The following PTPN13 variants were observed in gnomAD, a reference collection of about 807,000 sequenced individuals.
The protein encoded by PTPN13 is tyrosine-protein phosphatase non-receptor type 13.
Under a neutral mutation model 284.0 loss-of-function variants are expected in PTPN13, and 191 were observed. The observed-to-expected ratio is 0.67, with a 90% CI of 0.60 to 0.76. PTPN13 has a LOEUF of 0.76. Among genes scored for constraint, PTPN13 ranks in the 30% least tolerant of loss-of-function variants. The pLI, the probability that PTPN13 is intolerant of heterozygous loss-of-function variation, is 0.00. For synonymous variants in PTPN13, 986 were observed against 1,022.3 expected, an observed-to-expected ratio of 0.96 and a Z score of 0.68; for missense variants, 2,797 against 2,939.9, an observed-to-expected ratio of 0.95 and a Z score of 1.12.
At chr4:86,810,078 CTT>C (rs1745061264) in intron 46 of PTPN13, 94 bp downstream of exon 46, 1 of 1,013,000 alleles carries the variant, frequency 9.9e-7, no homozygotes, top group Non-Finnish European at 1.4e-6. Flanking sequence ...GATATTTTAA[CTT>C]ATGAGTTTAT....
At chr4:86,757,099 G>A (rs780575743) in intron 20 of PTPN13, among the ~76,000 whole-genome samples, 1 of 152,146 alleles carries the variant, frequency 6.6e-6, no homozygotes, top group Non-Finnish European at 1.5e-5. Flanking sequence ...TGCTTGAATT[G>A]CGAAGTAGAT....
In PTPN13 at chr4:86,772,915, C is replaced by T; in HGVS notation, c.5306C>T (p.Pro1769Leu). Reference protein sequence around the residue: ...SEPTRQENWTPLKNDLENHLE... With the variant: ...SEPTRQENWTLLKNDLENHLE... ...CCAACTAGACAAGAAAACTGGACAC[C>T]TTTGAAAAATGACTTGGAAAATCAC... is the stretch of plus-strand genomic sequence containing the variant. Residue 1769 changes from proline (P) to leucine (L), a missense_variant, in exon 32 of 48, where the codon CCT becomes CTT. Coordinates refer to ENST00000411767, the MANE Select transcript of PTPN13 (RefSeq NM_080683.3). 1 of 1,607,104 alleles carries T rather than the reference C, an allele frequency of 6.2e-7. No homozygotes were observed. The highest frequency in any genetic ancestry group is 1.1e-5 in the South Asian group (1 of 89,310).
intron 23 of PTPN13, among the ~76,000 whole-genome samples, chr4:86,760,075 A>G (rs1173693297): frequency 6.6e-6 from 1 of 152,194 alleles, no homozygotes; most frequent in Non-Finnish European, 1.5e-5. Flanking sequence ...ATTAAATTTT[A>G]TATAGATGAG....
At chr4:86,779,786 A>G (rs953606216) in intron 35 of PTPN13, among the ~76,000 whole-genome samples, 1 of 152,022 alleles carries the variant, frequency 6.6e-6, no homozygotes, top group Non-Finnish European at 1.5e-5. Flanking sequence ...CTAATCTTCT[A>G]TTTCTGAGGT....
chr4:86,668,205 AAC>A (rs911026678), intron 2 of PTPN13, among the ~76,000 whole-genome samples: 5 of 152,230 alleles, frequency 3.3e-5, no homozygotes, highest in Admixed American at 6.5e-5. Context: ...GAATGCAGTC[AAC>A]ACACAATTAA....
chr4:86,797,475 G>C (rs951111373), intron 41 of PTPN13, among the ~76,000 whole-genome samples: 4 of 151,634 alleles, frequency 2.6e-5, no homozygotes, highest in Admixed American at 6.6e-5. Context: ...CTGAGCAACA[G>C]AGCAAGACTC....
At position 86,689,199 on chromosome 4, in the gene PTPN13, C is replaced by T. The variant is rs1729763213; in HGVS notation, c.546+9C>T. ...TGGGAAATCTTTCTGGGGTAAGCTA[C>T]AGTTACAATAGTAAATATAGTCATA... On this transcript the variant is annotated intron_variant, in intron 5 of 47. Transcript: ENST00000411767. The T allele has an allele frequency of 2.3e-5, 37 of 1,604,018 alleles. No homozygotes were observed. The highest frequency in any genetic ancestry group is 3.1e-5 in the Non-Finnish European group (36 of 1,171,398).
intron 17 of PTPN13, among the ~76,000 whole-genome samples, chr4:86,748,527 A>G (rs1333478379): frequency 1.3e-5 from 2 of 152,158 alleles, no homozygotes; most frequent in African/African-American, 4.8e-5. Flanking sequence ...GGAGAAACCT[A>G]TTGGGTGTAA....
intron 2 of PTPN13, among the ~76,000 whole-genome samples, chr4:86,662,787 T>C (rs1054456260): frequency 6.6e-6 from 1 of 152,178 alleles, no homozygotes; most frequent in African/African-American, 2.4e-5. Flanking sequence ...GAGGTACTGG[T>C]TATATGCCTA....
At chr4:86,751,923 A>ATG (rs3035339) in intron 19 of PTPN13, among the ~76,000 whole-genome samples, 23,332 of 149,030 alleles carry the variant, frequency 0.16, 2,022 homozygotes, top group East Asian at 0.29. Flanking sequence ...AATTGTATGT[A>ATG]TGTGTGTGTG....
chr4:86,598,334 G>A (rs540350681), intron 1 of PTPN13, among the ~76,000 whole-genome samples: 52 of 152,018 alleles, frequency 3.4e-4, no homozygotes, highest in Non-Finnish European at 6.2e-4. Flanking sequence ...TAGTAGAGAC[G>A]AGGTTTTGCC....
chr4:86,633,765 T>A (rs1722719924), intron 1 of PTPN13, among the ~76,000 whole-genome samples: 1 of 152,308 alleles, frequency 6.6e-6, no homozygotes, highest in East Asian at 1.9e-4. Flanking sequence ...AGAAGATAAC[T>A]CACATATCTT....
intron 2 of PTPN13, among the ~76,000 whole-genome samples, chr4:86,665,775 A>G (rs937665572): frequency 6.6e-6 from 1 of 152,186 alleles, no homozygotes; most frequent in Non-Finnish European, 1.5e-5. Context: ...AATTAGATCT[A>G]TTATTCTGGA....
chr4:86,793,277 A>G (rs1182542714), intron 40 of PTPN13, among the ~76,000 whole-genome samples: 2 of 152,234 alleles, frequency 1.3e-5, no homozygotes, highest in African/African-American at 4.8e-5. Context: ...ATAATGGTAA[A>G]GGTATCAAAT....
Position 86,771,459 on chromosome 4 carries a change from A to G in PTPN13, c.5092A>G (p.Lys1698Glu). Residue 1698 changes from lysine to glutamate, a missense_variant, in exon 31 of 48, where the codon AAG becomes GAG. Transcript: ENST00000411767. ...GGCACAGAGTCATCATGAAGCACCC[A>G]AGAGTCAAGAAGATACCATTTGTAC... is the stretch of plus-strand genomic sequence containing the variant. ...SQAQSHHEAPKSQEDTICTMF... is the reference protein window; with the variant it reads ...SQAQSHHEAPESQEDTICTMF... 6.4e-7 allele frequency: 1 copy of G among 1,564,664 alleles called. No individual in the cohort carries two copies. Among genetic ancestry groups the G allele is most frequent in the South Asian group, 1.2e-5 (1 of 85,128 alleles).
chr4:86,710,751 A>G (rs1252072494), intron 7 of PTPN13, among the ~76,000 whole-genome samples: 3 of 152,184 alleles, frequency 2.0e-5, no homozygotes, highest in African/African-American at 7.2e-5. Flanking sequence ...AATTTTGTTC[A>G]GAGGATAAGA....
chr4:86,689,801 C>T, intron 5 of PTPN13: 1 of 699,396 alleles, frequency 1.4e-6, no homozygotes, highest in Non-Finnish European at 2.6e-6. Flanking sequence ...CTGAAAGTCC[C>T]ACCTCTGTTC....
chr4:86,743,854 C>G (rs562714104), intron 16 of PTPN13, among the ~76,000 whole-genome samples: 20 of 152,196 alleles, frequency 1.3e-4, no homozygotes, highest in African/African-American at 4.8e-4. Context: ...GAAGTAAAGA[C>G]AAGGAACATG....
intron 35 of PTPN13, 41 bp from the exon 36 acceptor site, chr4:86,780,361 A>G (rs1331922535): frequency 5.8e-6 from 9 of 1,546,262 alleles, no homozygotes; most frequent in African/African-American, 1.4e-5. Context: ...CAAGGCTACA[A>G]TGTCCAAGAC....
Sources: gnomAD v4.1 joint callset for allele counts (sites outside exome capture counted in the v4.1 genomes callset) on GRCh38, gnomAD v4.1.1 for gene constraint, MANE v1.5 for transcripts, NCBI Gene and HGNC (gene_info 2026-07-23, HGNC 2026-07-21) for gene names.